Variants in ACP3 observed in about 807,000 individuals in gnomAD.
ACP3 encodes the protein prostatic acid phosphatase.
Under a neutral mutation model 45.6 loss-of-function variants are expected in ACP3, and 38 were observed. The ratio of observed to expected loss-of-function variants is 0.83; its 90% CI spans 0.64 to 1.09. The LOEUF (loss-of-function observed/expected upper bound fraction) is 1.09, where lower values mean the gene tolerates loss of function less well. Ranked by LOEUF, ACP3 falls within the 50% of genes least tolerant of loss-of-function variation. ACP3 has a pLI of 0.00. For synonymous variants in ACP3, 162 were observed against 164.7 expected (o/e 0.98, Z 0.13); for missense variants, 466 against 463.2 (o/e 1.01, Z -0.05).
chr3:132,368,068 T>C, exon 11 of ACP3: 1 of 412,602 alleles, frequency 2.4e-6, no homozygotes, highest in Non-Finnish European at 4.5e-6. Flanking sequence ...AAAGAGGCTG[T>C]TATGCATAGG....
chr3:132,330,292 C>T (rs73862317), intron 2 of ACP3, among the ~76,000 whole-genome samples: 1,582 of 152,140 alleles, frequency 0.01, 39 homozygotes, highest in African/African-American at 0.036. Flanking sequence ...TACTTTTAAT[C>T]TGCCTTGTCT....
At position 132,356,864 on chromosome 3, in the gene ACP3, G is replaced by T; in HGVS notation, c.1147G>T (p.Asp383Tyr). 6.2e-7 allele frequency: 1 copy of T among 1,614,028 alleles called. No homozygotes were observed. The highest frequency in any genetic ancestry group is 1.1e-5 in the South Asian group (1 of 91,052). The change falls in exon 10 of 10, where the codon GAC (aspartate) becomes TAC (tyrosine). Residue 383 changes from aspartate (D) to tyrosine (Y), a missense_variant. Physicochemically the swap from Asp to Tyr is radical, Grantham distance 160. Coordinates refer to ENST00000336375, the MANE Select transcript of ACP3 (RefSeq NM_001099.5). ...CACAAACAGCCATCAAGGTACTGAA[G>T]ACAGTACAGATTAGTGTGCACAGAG... ...MTTNSHQGTE[D>Y]STD
chr3:132,343,326 G>A (rs1351360429), intron 6 of ACP3, among the ~76,000 whole-genome samples: 3 of 152,072 alleles, frequency 2.0e-5, no homozygotes, highest in Non-Finnish European at 4.4e-5. Context: ...GAGAGTCTGG[G>A]GGGCAGCAAT....
intron 7 of ACP3, among the ~76,000 whole-genome samples, chr3:132,347,118 G>A (rs894772440): frequency 1.8e-4 from 27 of 152,328 alleles, no homozygotes; most frequent in African/African-American, 6.3e-4. Context: ...GATTAAACTA[G>A]ACTGTCTATA....
At chr3:132,333,601 A>C (rs1937439379) in intron 4 of ACP3, 1 of 152,610 alleles carries the variant, frequency 6.6e-6, no homozygotes, top group Non-Finnish European at 1.5e-5. Context: ...AAGTCACTGG[A>C]GTTAAATCTA....
intron 2 of ACP3, among the ~76,000 whole-genome samples, chr3:132,329,896 C>A (rs1576411263): frequency 6.6e-6 from 1 of 151,026 alleles, no homozygotes; most frequent in Admixed American, 6.6e-5. Flanking sequence ...GCTCAGATTC[C>A]TACCCTTGTC....
chr3:132,333,240 G>A (rs1046234550), intron 4 of ACP3, among the ~76,000 whole-genome samples: 1 of 152,186 alleles, frequency 6.6e-6, no homozygotes, highest in African/African-American at 2.4e-5. Flanking sequence ...ACTCTCAAAC[G>A]TGTTTACACA....
At chr3:132,350,859 A>T (rs1937716971) in intron 8 of ACP3, among the ~76,000 whole-genome samples, 1 of 152,192 alleles carries the variant, frequency 6.6e-6, no homozygotes, top group Non-Finnish European at 1.5e-5. Flanking sequence ...TATTTTATAG[A>T]ATAACTGGAT....
At chr3:132,332,091 A>C (rs901950431) in intron 3 of ACP3, 101 bp from the exon 4 acceptor site, 1 of 1,268,230 alleles carries the variant, frequency 7.9e-7, no homozygotes. Flanking sequence ...GTAATATTTC[A>C]CTGTGGGTGT....
Position 132,323,194 on chromosome 3 carries a change from C to G in ACP3, c.121-5073C>G, listed in dbSNP as rs1937236097. Among the ~76,000 whole-genome samples the G allele has an allele frequency of 1.3e-5, 2 of 151,116 alleles. 1 individual carries two copies. The highest frequency in any genetic ancestry group is 4.1e-4 in the South Asian group (2 of 4,824). On this transcript the variant is annotated intron_variant, in intron 1 of 9. Coordinates refer to ENST00000336375, the MANE Select transcript of ACP3 (RefSeq NM_001099.5). The stretch of plus-strand genomic sequence containing the variant: ...GGAAAAAAAAAAAGCACACATAGCA[C>G]ACCTTGCTGATAAATAAGGATGATG...
chr3:132,362,173 T>C (rs1043137510), downstream of ACP3, among the ~76,000 whole-genome samples: 5 of 152,222 alleles, frequency 3.3e-5, no homozygotes, highest in African/African-American at 1.2e-4. Flanking sequence ...TTCAGTGGCC[T>C]TTCTTTCATT....
chr3:132,361,127 A>T (rs771430051), downstream of ACP3, among the ~76,000 whole-genome samples: 1 of 152,164 alleles, frequency 6.6e-6, no homozygotes, highest in Non-Finnish European at 1.5e-5. Context: ...TTTTCAGCAT[A>T]GTTGTTTTGG....
intron 1 of ACP3, among the ~76,000 whole-genome samples, chr3:132,327,952 T>C (rs928377505): frequency 2.0e-5 from 3 of 152,240 alleles, no homozygotes; most frequent in African/African-American, 7.2e-5. Flanking sequence ...TGCCTTCTAA[T>C]GGCTGATCAT....
At chr3:132,348,522 T>C (rs1937644293) in intron 7 of ACP3, among the ~76,000 whole-genome samples, 1 of 152,138 alleles carries the variant, frequency 6.6e-6, no homozygotes, top group East Asian at 1.9e-4. Context: ...AGAACTGATA[T>C]ATTCATGACC....
At chr3:132,342,688 A>C (rs759459732) in intron 6 of ACP3, 44 bp downstream of exon 6, 3 of 1,179,490 alleles carry the variant, frequency 2.5e-6, no homozygotes, top group Admixed American at 4.4e-5. Context: ...ATCTGATTTT[A>C]TGATTTATGC....
chr3:132,365,423 A>G (rs536240230), intron 10 of ACP3, among the ~76,000 whole-genome samples: 3 of 152,338 alleles, frequency 2.0e-5, no homozygotes, highest in Admixed American at 6.5e-5. Context: ...GATAACAGGT[A>G]TAGCAAAGTC....
intron 1 of ACP3, among the ~76,000 whole-genome samples, chr3:132,320,315 A>G (rs1420862266): frequency 6.6e-6 from 1 of 152,198 alleles, no homozygotes; most frequent in Non-Finnish European, 1.5e-5. Context: ...AAATATGGTG[A>G]ATCTGGATGT....
intron 3 of ACP3, 41 bp from the exon 4 acceptor site, chr3:132,332,151 C>T (rs762467457): frequency 2.5e-6 from 4 of 1,612,766 alleles, no homozygotes; most frequent in Non-Finnish European, 3.4e-6. Flanking sequence ...AAACCTCATG[C>T]TCCCTTTACG....
chr3:132,349,834 C>A, intron 7 of ACP3, 86 bp from the exon 8 acceptor site: 1 of 885,628 alleles, frequency 1.1e-6, no homozygotes, highest in Non-Finnish European at 1.9e-6. Flanking sequence ...AGGGAGAGTC[C>A]GCAACTATGA....
Sources: gnomAD v4.1 joint callset for allele counts (sites outside exome capture counted in the v4.1 genomes callset) on GRCh38, gnomAD v4.1.1 for gene constraint, MANE v1.5 for transcripts, NCBI Gene and HGNC (gene_info 2026-07-23, HGNC 2026-07-21) for gene names.